The following VPS13B variants were observed in gnomAD, a reference collection of about 807,000 sequenced individuals.
VPS13B encodes vacuolar protein sorting 13 homolog B.
In VPS13B, 285 loss-of-function variants were observed where a neutral mutation model predicts 426.4. The observed-to-expected ratio is 0.67, with a 90% CI of 0.61 to 0.74. VPS13B has a LOEUF of 0.74. Ranked by LOEUF, VPS13B falls within the 30% of genes least tolerant of loss-of-function variation. The probability of loss-of-function intolerance (pLI) is 0.00; values close to 1 mark genes in which losing one functional copy is unlikely to be tolerated. For missense variants in VPS13B, 4,537 were observed against 4,782.6 expected, an observed-to-expected ratio of 0.95 and a Z score of 1.51; for synonymous variants, 1,676 against 1,676.4, an observed-to-expected ratio of 1.00 and a Z score of 0.01.
intron 15 of VPS13B, among the ~76,000 whole-genome samples, chr8:99,161,554 T>C (rs1811652719): frequency 6.6e-6 from 1 of 152,180 alleles, no homozygotes; most frequent in South Asian, 2.1e-4. Flanking sequence ...GATATAGTTA[T>C]ATTTTGGAAA....
chr8:99,078,510 G>A (rs73281632), intron 3 of VPS13B, among the ~76,000 whole-genome samples: 2,515 of 152,014 alleles, frequency 0.017, 65 homozygotes, highest in African/African-American at 0.058. Flanking sequence ...TTCTTGGGAG[G>A]AGGAAGACAG....
At chr8:99,195,848 T>C (rs769772668) in intron 17 of VPS13B, among the ~76,000 whole-genome samples, 2 of 152,208 alleles carry the variant, frequency 1.3e-5, no homozygotes, top group Non-Finnish European at 2.9e-5. Context: ...TCTTGGCATC[T>C]TCATCAAAGA....
At chr8:99,579,203 G>A (rs773901352) in intron 33 of VPS13B, among the ~76,000 whole-genome samples, 6 of 152,040 alleles carry the variant, frequency 3.9e-5, no homozygotes, top group South Asian at 4.1e-4. Flanking sequence ...AAAACTTTCC[G>A]TATTTTAGAA....
chr8:99,862,197 A>G (rs1415529082), intron 58 of VPS13B, among the ~76,000 whole-genome samples: 3 of 152,196 alleles, frequency 2.0e-5, no homozygotes, highest in Non-Finnish European at 4.4e-5. Context: ...AAGAAATCCT[A>G]ATTTGATAGG....
At chr8:99,039,776 CAG>C (rs1207764901) in intron 3 of VPS13B, among the ~76,000 whole-genome samples, 1 of 152,050 alleles carries the variant, frequency 6.6e-6, no homozygotes, top group African/African-American at 2.4e-5. Flanking sequence ...CCAGTGGACT[CAG>C]ATCTTTTTTC....
intron 24 of VPS13B, among the ~76,000 whole-genome samples, chr8:99,475,861 G>A (rs1819662093): frequency 6.6e-6 from 1 of 152,154 alleles, no homozygotes; most frequent in South Asian, 2.1e-4. Context: ...AAGGATGAAT[G>A]AACCTTATGC....
At chr8:99,142,626 A>C (rs965527978) in intron 12 of VPS13B, among the ~76,000 whole-genome samples, 1 of 152,244 alleles carries the variant, frequency 6.6e-6, no homozygotes, top group Non-Finnish European at 1.5e-5. Flanking sequence ...AGTAAAATGG[A>C]GTTTCCTCCA....
At chr8:99,428,546 C>T (rs1375766099) in intron 21 of VPS13B, among the ~76,000 whole-genome samples, 1 of 152,208 alleles carries the variant, frequency 6.6e-6, no homozygotes, top group African/African-American at 2.4e-5. Flanking sequence ...CTCATCATCA[C>T]TGGCCATCAG....
chr8:99,301,004 C>G (rs375910320), intron 19 of VPS13B, among the ~76,000 whole-genome samples: 24 of 151,524 alleles, frequency 1.6e-4, no homozygotes, highest in African/African-American at 5.6e-4. Context: ...GCTTGAGCCC[C>G]AGGAATTTGA....
chr8:99,822,268 C>A (rs1181211530), intron 50 of VPS13B, among the ~76,000 whole-genome samples: 1 of 152,120 alleles, frequency 6.6e-6, no homozygotes, highest in Non-Finnish European at 1.5e-5. Flanking sequence ...AGATTTTTGA[C>A]AAGTGTCTTT....
At chr8:99,019,070 A>C (rs1587920039) in intron 2 of VPS13B, among the ~76,000 whole-genome samples, 1 of 151,892 alleles carries the variant, frequency 6.6e-6, no homozygotes, top group East Asian at 1.9e-4. Flanking sequence ...TCATATATAT[A>C]TATTGGCCTT....
intron 16 of VPS13B, among the ~76,000 whole-genome samples, chr8:99,185,125 T>C (rs912599285): frequency 6.6e-6 from 1 of 152,272 alleles, no homozygotes; most frequent in East Asian, 1.9e-4. Context: ...TGTATTCATG[T>C]AAAGATCTTA....
chr8:99,764,338 ACC>A, intron 39 of VPS13B, among the ~76,000 whole-genome samples: 1 of 151,362 alleles, frequency 6.6e-6, no homozygotes, highest in East Asian at 1.9e-4. Flanking sequence ...CATAGGATTA[ACC>A]CACATGTTCT....
intron 43 of VPS13B, among the ~76,000 whole-genome samples, chr8:99,785,803 A>G (rs986245331): frequency 9.2e-5 from 14 of 152,170 alleles, no homozygotes; most frequent in African/African-American, 3.4e-4. Context: ...TCATGTTAAC[A>G]CTTCCTGTAT....
intron 21 of VPS13B, among the ~76,000 whole-genome samples, chr8:99,419,831 G>A (rs1816273562): frequency 6.6e-6 from 1 of 152,016 alleles, no homozygotes; most frequent in African/African-American, 2.4e-5. Flanking sequence ...TCAATTGATT[G>A]TTTGATCGAG....
At position 99,181,800 on chromosome 8, in the gene VPS13B, G is replaced by A. The variant is rs1812960232; in HGVS notation, c.2334-11076G>A. 2.6e-5 allele frequency among the ~76,000 whole-genome samples: 4 copies of A among 151,814 alleles called. No individual in the cohort carries two copies. The South Asian group carries it at 8.3e-4, about 32-fold the overall frequency. ...TTTAATCACATGTATTAATATAATAGGTATAATCTATTAATAAATTTATAA... is the reference window on the plus strand; with the variant it reads ...TTTAATCACATGTATTAATATAATAAGTATAATCTATTAATAAATTTATAA... On this transcript the variant is annotated intron_variant, in intron 16 of 61. Coordinates refer to ENST00000357162, the MANE Select transcript of VPS13B (RefSeq NM_152564.5).
At chr8:99,271,227 C>G (rs1007879219) in intron 17 of VPS13B, among the ~76,000 whole-genome samples, 104 of 150,952 alleles carry the variant, frequency 6.9e-4, no homozygotes, top group Middle Eastern at 3.4e-3. Context: ...ACTACTACTA[C>G]TACTACTACT....
chr8:99,718,249 A>AT (rs976900405), intron 37 of VPS13B, among the ~76,000 whole-genome samples: 35 of 146,980 alleles, frequency 2.4e-4, no homozygotes, highest in East Asian at 4.0e-4. Context: ...AATGTTTTTT[A>AT]TTTTTTTTTT....
chr8:99,848,865 A>T lies in VPS13B; in HGVS notation c.10032A>T (p.Lys3344Asn). 1 of 1,614,202 alleles carries T rather than the reference A, an allele frequency of 6.2e-7. No homozygotes were observed. Among genetic ancestry groups the T allele is most frequent in the African/African-American group, 1.3e-5 (1 of 75,066 alleles). ...TVFITVAPEG[K>N]AGPILTNTNR... ...TCATCACTGTGGCCCCAGAAGGAAAAGCAGGACCTATTTTAACCAATACCA... is the reference window on the plus strand; with the variant it reads ...TCATCACTGTGGCCCCAGAAGGAAATGCAGGACCTATTTTAACCAATACCA... The change falls in exon 55 of 62, where the codon AAA (lysine) becomes AAT (asparagine). Residue 3344 changes from lysine to asparagine, a missense_variant. By Grantham distance (94) the Lys-to-Asn change is moderately conservative. This residue lies in a region of VPS13B where 4,311 missense variants were observed against 4,474.3 expected (regional missense o/e 0.96). Transcript: ENST00000357162.
Sources: gnomAD v4.1 joint callset for allele counts (sites outside exome capture counted in the v4.1 genomes callset) on GRCh38, gnomAD v4.1.1 for gene constraint, gnomAD v4.1.1 regional missense constraint, MANE v1.5 for transcripts, NCBI Gene and HGNC (gene_info 2026-07-23, HGNC 2026-07-21) for gene names.